PKN2: variants seen among roughly 807,000 people sequenced by gnomAD.
PKN2 encodes protein kinase N2.
A neutral mutation model predicts 119.1 loss-of-function variants in PKN2; 38 were observed. That is an observed-to-expected ratio of 0.32 (90% CI 0.25 to 0.42). PKN2 has a LOEUF of 0.42. Among genes scored for constraint, PKN2 ranks in the 10% least tolerant of loss-of-function variants. The pLI is 1.00. For missense variants in PKN2, 850 were observed against 1,165.1 expected, an observed-to-expected ratio of 0.73 and a Z score of 3.94; for synonymous variants, 390 against 384.9, an observed-to-expected ratio of 1.01 and a Z score of -0.15.
chr1:88,782,501 T>C (rs1670386802), intron 6 of PKN2, among the ~76,000 whole-genome samples: 1 of 152,284 alleles, frequency 6.6e-6, no homozygotes, highest in South Asian at 2.1e-4. Flanking sequence ...TGCACTGTTC[T>C]TTGTTTATTC....
At chr1:88,769,047 G>A (rs1450280818) in intron 3 of PKN2, among the ~76,000 whole-genome samples, 2 of 152,174 alleles carry the variant, frequency 1.3e-5, no homozygotes, top group Non-Finnish European at 2.9e-5. Context: ...TGTGAGGGTG[G>A]CACCAAACAA....
intron 1 of PKN2, among the ~76,000 whole-genome samples, chr1:88,710,934 G>A (rs1399518517): frequency 6.6e-6 from 1 of 152,176 alleles, no homozygotes; most frequent in African/African-American, 2.4e-5. Flanking sequence ...TACAGGAAAG[G>A]TGGTACATAC....
At chr1:88,758,122 T>C (rs916104317) in intron 2 of PKN2, among the ~76,000 whole-genome samples, 2 of 151,844 alleles carry the variant, frequency 1.3e-5, no homozygotes, top group Non-Finnish European at 2.9e-5. Flanking sequence ...TCTGAAGTTT[T>C]ATTTATTTAT....
intron 3 of PKN2, among the ~76,000 whole-genome samples, chr1:88,765,336 G>C (rs937615639): frequency 2.7e-5 from 4 of 150,706 alleles, no homozygotes; most frequent in Admixed American, 2.6e-4. Context: ...AGTAAACCAA[G>C]GTATTAATTA....
intron 15 of PKN2, among the ~76,000 whole-genome samples, chr1:88,808,419 C>T (rs1490769793): frequency 2.0e-5 from 3 of 152,094 alleles, no homozygotes. Context: ...AATTCTCCTG[C>T]CTCAGTCTCC....
intron 1 of PKN2, among the ~76,000 whole-genome samples, chr1:88,701,199 T>G (rs1361758065): frequency 1.3e-5 from 2 of 152,190 alleles, no homozygotes; most frequent in Non-Finnish European, 2.9e-5. Flanking sequence ...ATCCCAGTAC[T>G]TTGGGAGGCT....
intron 16 of PKN2, among the ~76,000 whole-genome samples, chr1:88,819,058 A>G (rs1357164924): frequency 1.3e-5 from 2 of 152,188 alleles, no homozygotes; most frequent in African/African-American, 4.8e-5. Flanking sequence ...TGAACATAAG[A>G]CTCAAAACCA....
chr1:88,756,338 G>C (rs1669200971), intron 2 of PKN2, among the ~76,000 whole-genome samples: 1 of 152,114 alleles, frequency 6.6e-6, no homozygotes, highest in Non-Finnish European at 1.5e-5. Context: ...TTTATTGTTA[G>C]ATAACCCAAA....
chr1:88,816,495 C>T (rs751015867), intron 16 of PKN2, among the ~76,000 whole-genome samples: 3 of 152,280 alleles, frequency 2.0e-5, no homozygotes, highest in Non-Finnish European at 4.4e-5. Flanking sequence ...GATCTGCCTG[C>T]CTCAGCTTCC....
intron 6 of PKN2, among the ~76,000 whole-genome samples, chr1:88,783,895 A>G (rs997702862): frequency 3.3e-5 from 5 of 152,186 alleles, no homozygotes; most frequent in African/African-American, 1.2e-4. Context: ...ATCAAATAGA[A>G]CACATTTATT....
rs138805841 is a variant in PKN2, at chr1:88,702,223, T to C, written c.48+17595T>C. 2.5e-3 allele frequency among the ~76,000 whole-genome samples: 377 copies of C among 152,312 alleles called. 1 individual carries two copies. The highest frequency in any genetic ancestry group is 8.7e-3 in the African/African-American group (362 of 41,548). Reference sequence around the variant, plus strand: ...ATCTGCTGTCCTTGGCCTCCCAAAGTGCTGGGATTACAGGCATGAGCAACC... The same window carrying C: ...ATCTGCTGTCCTTGGCCTCCCAAAGCGCTGGGATTACAGGCATGAGCAACC... On this transcript the variant is annotated intron_variant, in intron 1 of 21. Transcript: ENST00000370521.
chr1:88,749,693 A>G (rs1439922529), intron 2 of PKN2, among the ~76,000 whole-genome samples: 2 of 152,228 alleles, frequency 1.3e-5, no homozygotes, highest in South Asian at 2.1e-4. Flanking sequence ...AGTTAACATA[A>G]TGGTAACACA....
chr1:88,720,140 C>T (rs1276953793), intron 1 of PKN2, among the ~76,000 whole-genome samples: 1 of 152,012 alleles, frequency 6.6e-6, no homozygotes, highest in African/African-American at 2.4e-5. Context: ...TTCAGCTGAT[C>T]CTCTCACCTC....
chr1:88,820,586 AAAAATAGG>A (rs1672239830), intron 16 of PKN2, among the ~76,000 whole-genome samples: 1 of 151,992 alleles, frequency 6.6e-6, no homozygotes, highest in Non-Finnish European at 1.5e-5. Context: ...CATTTTTAAT[AAAAATAGG>A]TAAATATAAA....
At chr1:88,739,246 G>A (rs527298880) in intron 1 of PKN2, among the ~76,000 whole-genome samples, 1 of 152,074 alleles carries the variant, frequency 6.6e-6, no homozygotes, top group South Asian at 2.1e-4. Flanking sequence ...GTCAAGGTGG[G>A]AGGATCACTT....
chr1:88,754,246 C>G (rs551404986), intron 2 of PKN2, among the ~76,000 whole-genome samples: 1 of 151,552 alleles, frequency 6.6e-6, no homozygotes, highest in South Asian at 2.1e-4. Context: ...TTCTCTGTGT[C>G]TTTTTATGTC....
chr1:88,771,364 A>G lies in PKN2; in HGVS notation c.623-57A>G, dbSNP rs565731159. ...TTCATTTCTTTTCATGATTTTAATC[A>G]CTGCAAATTGGAAAGTCAGATAAAT... On this transcript the variant is annotated intron_variant, in intron 4 of 21. Transcript: ENST00000370521. The G allele has an allele frequency of 1.8e-5, 23 of 1,312,074 alleles. No individual in the cohort carries two copies. In the East Asian group the frequency reaches 5.4e-4, roughly 31 times the overall value. 81.3% of individuals were successfully genotyped at this position (1,312,074 alleles called of 1,614,324 possible).
intron 1 of PKN2, among the ~76,000 whole-genome samples, chr1:88,723,370 C>T (rs112851837): frequency 0.04 from 6,034 of 151,712 alleles, 278 homozygotes; most frequent in African/African-American, 0.1. Flanking sequence ...ACCTCGGCCT[C>T]CTAAAGTGCT....
At chr1:88,766,308 T>C (rs971429000) in intron 3 of PKN2, among the ~76,000 whole-genome samples, 3 of 152,202 alleles carry the variant, frequency 2.0e-5, no homozygotes, top group African/African-American at 7.2e-5. Flanking sequence ...AAATACATGA[T>C]GAAAAAAATA....
Sources: allele counts gnomAD v4.1 joint callset (sites outside exome capture counted in the v4.1 genomes callset), GRCh38; gene constraint gnomAD v4.1.1; transcripts MANE v1.5; gene names NCBI Gene and HGNC (gene_info 2026-07-23, HGNC 2026-07-21).